The following GNAS variants were observed in gnomAD, a reference collection of about 807,000 sequenced individuals.
The protein encoded by GNAS is protein ALEX.
A neutral mutation model predicts 54.5 loss-of-function variants in GNAS; 8 were observed. That is an observed-to-expected ratio of 0.15 (90% CI 0.09 to 0.26). The LOEUF (loss-of-function observed/expected upper bound fraction) is 0.26, where lower values mean the gene tolerates loss of function less well. GNAS is among the 10% of genes least tolerant of loss of function. The probability of loss-of-function intolerance (pLI) is 1.00; values close to 1 mark genes in which losing one functional copy is unlikely to be tolerated. For synonymous variants in GNAS, 204 were observed against 191.4 expected (o/e 1.07, Z -0.54); for missense variants, 170 against 529.8 (o/e 0.32, Z 6.67).
chr20:58,878,994 T>A (rs1487173155), intron 1 of GNAS, among the ~76,000 whole-genome samples: 3 of 152,172 alleles, frequency 2.0e-5, no homozygotes, highest in African/African-American at 7.2e-5. Context: ...AGACCACATT[T>A]TCAGCATCAG....
At position 58,909,533 on chromosome 20, in the gene GNAS, G is replaced by C. The variant is rs2091301093; in HGVS notation, c.672G>C (p.Val224=). ...TCCTCCCCACCAGCATGTTTGACGT[G>C]GGTGGCCAGCGCGATGAACGCCGCA... ...VDKVNFHMFD[V]GGQRDERRKW... Residue 224 remains valine, a synonymous_variant, in exon 9 of 13, where the codon GTG becomes GTC. Coordinates refer to ENST00000371085, the MANE Select transcript of GNAS (RefSeq NM_000516.7). This position sits in a 1 kb window ranked among gnomAD's most constrained non-coding sequence, Gnocchi z 7.3. 1.2e-6 allele frequency: 2 copies of C among 1,614,168 alleles called. No homozygotes were observed. The highest frequency in any genetic ancestry group is 4.5e-5 in the East Asian group (2 of 44,886).
intron 2 of GNAS, 92 bp from the exon 3 acceptor site, chr20:58,898,849 T>C: frequency 8.8e-7 from 1 of 1,130,756 alleles, no homozygotes. Context: ...TGCTCTTGGC[T>C]GATGGTTGAG....
chr20:58,869,796 G>A (rs547281129), intron 1 of GNAS, among the ~76,000 whole-genome samples: 3 of 152,288 alleles, frequency 2.0e-5, no homozygotes, highest in South Asian at 2.1e-4. Flanking sequence ...TCTCACTAGC[G>A]AAGGTGTCCT....
At chr20:58,867,121 T>G (rs2087114038) in intron 1 of GNAS, among the ~76,000 whole-genome samples, 1 of 152,236 alleles carries the variant, frequency 6.6e-6, no homozygotes, top group Non-Finnish European at 1.5e-5. Context: ...AAAGGCAAGC[T>G]TCTTGAATGT....
chr20:58,910,404 G>A lies in GNAS; in HGVS notation c.1038+3G>A. On this transcript the variant is annotated splice_donor_region_variant and intron_variant, in intron 12 of 12. Transcript: ENST00000371085. The surrounding 1 kb of genome is among the most constrained non-coding windows in gnomAD (Gnocchi z 5.8). The stretch of plus-strand genomic sequence containing the variant: ...ACTTCATTCGAGATGAGTTTCTGGT[G>A]AGTCGAGCCTGTCTTTAGTTTCCTC... The A allele has an allele frequency of 1.2e-6, 2 of 1,606,208 alleles. No individual in the cohort carries two copies. The highest frequency in any genetic ancestry group is 1.7e-6 in the Non-Finnish European group (2 of 1,172,824).
chr20:58,882,341 C>T (rs2088288492), intron 1 of GNAS, among the ~76,000 whole-genome samples: 1 of 152,246 alleles, frequency 6.6e-6, no homozygotes, highest in Non-Finnish European at 1.5e-5. Flanking sequence ...AGCCACCGCG[C>T]CCGGCCTCAT....
intron 1 of GNAS, among the ~76,000 whole-genome samples, chr20:58,870,732 G>A (rs917970799): frequency 6.6e-6 from 1 of 152,048 alleles, no homozygotes; most frequent in South Asian, 2.1e-4. Context: ...TGCGCCAGAC[G>A]CACAAATCCC....
upstream of GNAS, among the ~76,000 whole-genome samples, chr20:58,891,134 G>A (rs1412626786): frequency 6.7e-6 from 1 of 148,508 alleles, no homozygotes; most frequent in Non-Finnish European, 1.5e-5. Context: ...CCCGGGGGGT[G>A]GGGGGCGTCT....
chr20:58,892,878 C>G (rs920270145), intron 1 of GNAS, among the ~76,000 whole-genome samples: 2 of 122,166 alleles, frequency 1.6e-5, no homozygotes, highest in Non-Finnish European at 3.3e-5. Flanking sequence ...CTGCCCCCCC[C>G]ACCCACCACG....
intron 3 of GNAS, among the ~76,000 whole-genome samples, chr20:58,900,974 G>GT (rs2146118746): frequency 6.6e-6 from 1 of 152,300 alleles, no homozygotes; most frequent in African/African-American, 2.4e-5. Flanking sequence ...AAGACGGGAA[G>GT]TTTTCCAATT....
At position 58,891,635 on chromosome 20, in the gene GNAS, C is replaced by A; in HGVS notation, c.-92C>A. On this transcript the variant is annotated 5_prime_UTR_variant, in exon 1 of 13. Coordinates refer to ENST00000371085, the MANE Select transcript of GNAS (RefSeq NM_000516.7). ...CCGAGCCCGCGCCCGGCCCGCCCGC[C>A]CGGCGCTGCCCCGGCCCTCCCGGCC... 1 of 971,154 alleles carries A rather than the reference C, an allele frequency of 1.0e-6. No individual in the cohort carries two copies. Among genetic ancestry groups the A allele is most frequent in the South Asian group, 4.7e-5 (1 of 21,168 alleles). The allele number at this position is 971,154 out of a possible 1,614,324, so 60.2% of individuals were successfully genotyped here.
chr20:58,903,031 C>G (rs543899693), intron 3 of GNAS: 1 of 244,000 alleles, frequency 4.1e-6, no homozygotes, highest in Non-Finnish European at 8.1e-6. Context: ...CCACCGCACC[C>G]GGGCTCCTGT....
intron 1 of GNAS, among the ~76,000 whole-genome samples, chr20:58,886,070 G>A (rs2088569532): frequency 6.6e-6 from 1 of 152,174 alleles, no homozygotes; most frequent in Non-Finnish European, 1.5e-5. Flanking sequence ...AAGATTCTAA[G>A]CTGTAGCAAG....
rs1231263765 is a variant in GNAS, at chr20:58,853,475, C to T, written c.43+12589C>T. On this transcript the variant is annotated intron_variant, in intron 1 of 12. Coordinates refer to the GNAS transcript ENST00000306090. This position sits in a 1 kb window ranked among gnomAD's most constrained non-coding sequence, Gnocchi z 4.4. ...AGAATGATGGCGAGGCCTGTGGACC[C>T]CCAGAGGTCTCCAGACCCAACTTTC... 3 of 1,612,736 alleles carry T rather than the reference C, an allele frequency of 1.9e-6. No individual in the cohort carries two copies. The highest frequency in any genetic ancestry group is 2.5e-6 in the Non-Finnish European group (3 of 1,179,692).
At chr20:58,849,008 T>G (rs2086048351) in intron 1 of GNAS, 2 of 397,936 alleles carry the variant, frequency 5.0e-6, no homozygotes, top group Non-Finnish European at 8.9e-6. Flanking sequence ...ATCTTTAAAT[T>G]AAGGCAATTC....
intron 1 of GNAS, among the ~76,000 whole-genome samples, chr20:58,862,347 T>C (rs972960454): frequency 1.3e-5 from 2 of 150,910 alleles, no homozygotes; most frequent in African/African-American, 2.4e-5. Flanking sequence ...TTAGTAGAGA[T>C]GGGATTTCAC....
chr20:58,876,714 A>C (rs956673245), intron 1 of GNAS: 1 of 152,206 alleles, frequency 6.6e-6, no homozygotes, highest in South Asian at 2.1e-4. Context: ...CCAGATGCAG[A>C]ACCTCTGTAC....
intron 1 of GNAS, among the ~76,000 whole-genome samples, chr20:58,880,461 A>AT (rs1197947779): frequency 1.3e-5 from 2 of 152,198 alleles, no homozygotes; most frequent in Non-Finnish European, 2.9e-5. Flanking sequence ...AAGGTCAAGA[A>AT]TTGATGACTT....
chr20:58,889,743 G>A (rs1282643544), upstream of GNAS, among the ~76,000 whole-genome samples: 1 of 150,330 alleles, frequency 6.7e-6, no homozygotes, highest in Non-Finnish European at 1.5e-5. Context: ...CGCGCTCCGC[G>A]GCCCCGGGGC....
Sources: allele counts gnomAD v4.1 joint callset (sites outside exome capture counted in the v4.1 genomes callset), GRCh38; gene constraint gnomAD v4.1.1; non-coding constraint Gnocchi (gnomAD v3.1); transcripts MANE v1.5; gene names NCBI Gene and HGNC (gene_info 2026-07-23, HGNC 2026-07-21).